SEMA3A: variants seen among roughly 807,000 people sequenced by gnomAD.
SEMA3A encodes the protein semaphorin 3A.
SEMA3A carries 29 observed loss-of-function variants against 97.9 expected under a neutral mutation model. The ratio of observed to expected loss-of-function variants is 0.30; its 90% CI spans 0.22 to 0.40. SEMA3A has a LOEUF of 0.40. Among genes scored for constraint, SEMA3A ranks in the 10% least tolerant of loss-of-function variants. The probability of loss-of-function intolerance (pLI) is 1.00; values close to 1 mark genes in which losing one functional copy is unlikely to be tolerated. For missense variants in SEMA3A, 763 were observed against 951.3 expected (o/e 0.80, Z 2.60); for synonymous variants, 321 against 323.7 (o/e 0.99, Z 0.09).
intron 15 of SEMA3A, among the ~76,000 whole-genome samples, chr7:83,970,688 T>G (rs888047766): frequency 6.6e-6 from 1 of 152,212 alleles, no homozygotes; most frequent in Admixed American, 6.5e-5. Flanking sequence ...GGTAAATGAA[T>G]GCCAATTATT....
chr7:84,079,605 C>G (rs1427107046), intron 4 of SEMA3A, among the ~76,000 whole-genome samples: 2 of 150,402 alleles, frequency 1.3e-5, no homozygotes, highest in African/African-American at 4.9e-5. Context: ...TGAAAAAATG[C>G]TCATCATCAC....
chr7:84,300,507 T>A (rs1800984351), intron 3 of SEMA3A, among the ~76,000 whole-genome samples: 1 of 152,044 alleles, frequency 6.6e-6, no homozygotes, highest in Non-Finnish European at 1.5e-5. Flanking sequence ...AATCAGAATA[T>A]ATTAAATGTT....
chr7:83,965,645 TATATATATATATATATA>T (rs1775308885), intron 15 of SEMA3A, among the ~76,000 whole-genome samples: 2 of 10,038 alleles, frequency 2.0e-4, no homozygotes, highest in African/African-American at 8.4e-4. Flanking sequence ...TATATATATA[TATATATATATATATATA>T]TATATTTTTT....
intron 5 of SEMA3A, among the ~76,000 whole-genome samples, chr7:84,054,736 G>C (rs376091920): frequency 1.4e-5 from 2 of 146,440 alleles, no homozygotes; most frequent in East Asian, 2.0e-4. Context: ...GCTTTGTTCC[G>C]TTGCTGGTGA....
At chr7:84,411,152 G>A (rs1016619587) in intron 1 of SEMA3A, among the ~76,000 whole-genome samples, 1 of 151,970 alleles carries the variant, frequency 6.6e-6, no homozygotes, top group Non-Finnish European at 1.5e-5. Flanking sequence ...CAATGGAGAG[G>A]TAGAGAGATA....
intron 12 of SEMA3A, among the ~76,000 whole-genome samples, chr7:83,995,721 C>A (rs149418939): frequency 6.6e-6 from 1 of 151,868 alleles, no homozygotes; most frequent in Non-Finnish European, 1.5e-5. Flanking sequence ...AAAATTAAAA[C>A]AGCATCTTTT....
intron 4 of SEMA3A, among the ~76,000 whole-genome samples, chr7:84,091,126 AAG>A (rs1222485920): frequency 1.7e-5 from 1 of 59,548 alleles, no homozygotes; most frequent in African/African-American, 5.1e-5. Flanking sequence ...AAGAAAAAGA[AAG>A]AAAGAAAGAA....
chr7:84,372,205 G>A lies in SEMA3A; in HGVS notation c.-245-305C>T, dbSNP rs183041954. 11 of 151,964 alleles carry A rather than the reference G, an allele frequency of 7.2e-5. 1 individual carries two copies. Among genetic ancestry groups the A allele is most frequent in the Admixed American group, 7.2e-4 (11 of 15,242 alleles). 9.4% of individuals were successfully genotyped at this position (151,964 alleles called of 1,614,324 possible). A position where few individuals can be genotyped will look rare whatever the true frequency, so the allele number is the denominator to read the frequency against. On this transcript the variant is annotated intron_variant, in intron 1 of 3. Transcript: ENST00000424555. Reference sequence around the variant, plus strand: ...CTCATGTCTTCTCACCCTCTGTTTAGCTGCCTTATCTTTTTAGACAAAATC... The same window carrying A: ...CTCATGTCTTCTCACCCTCTGTTTAACTGCCTTATCTTTTTAGACAAAATC...
chr7:83,987,608 C>T lies in SEMA3A; in HGVS notation c.1453-2131G>A, dbSNP rs116257974. 6.2e-3 allele frequency among the ~76,000 whole-genome samples: 946 copies of T among 152,218 alleles called. 5 individuals are homozygous for T. The highest frequency in any genetic ancestry group is 0.018 in the African/African-American group (766 of 41,528). ...TGGCTGTTTATTTCACAGCCATATC[C>T]CTAGCACCTGGAATTACGCCTGGTA... On this transcript the variant is annotated intron_variant, in intron 12 of 16. Transcript: ENST00000265362.
At chr7:84,382,401 C>T (rs1351856200) in intron 1 of SEMA3A, among the ~76,000 whole-genome samples, 2 of 151,282 alleles carry the variant, frequency 1.3e-5, no homozygotes, top group African/African-American at 2.4e-5. Context: ...GCCACTGTGC[C>T]AGCCCTCATA....
intron 2 of SEMA3A, among the ~76,000 whole-genome samples, chr7:84,350,306 G>A (rs910312629): frequency 1.4e-4 from 21 of 151,934 alleles, no homozygotes; most frequent in African/African-American, 4.6e-4. Context: ...TACATGATAG[G>A]GCCTGGCTAG....
chr7:83,996,406 G>A (rs950127272), intron 12 of SEMA3A, among the ~76,000 whole-genome samples: 2 of 149,018 alleles, frequency 1.3e-5, no homozygotes, highest in South Asian at 2.1e-4. Flanking sequence ...AGGTTCAAGC[G>A]ATTCTCCTGC....
intron 13 of SEMA3A, 131 bp downstream of exon 13, chr7:83,985,302 AATG>A: frequency 6.3e-6 from 4 of 630,766 alleles, no homozygotes; most frequent in Admixed American, 6.0e-5. Flanking sequence ...TTATTGTAAG[AATG>A]ATATTTGTTT....
chr7:84,057,777 T>TAAATAAAG, intron 5 of SEMA3A, among the ~76,000 whole-genome samples: 1 of 151,320 alleles, frequency 6.6e-6, no homozygotes, highest in East Asian at 1.9e-4. Flanking sequence ...AATAAATAAA[T>TAAATAAAG]AAATAAATAA....
intron 6 of SEMA3A, among the ~76,000 whole-genome samples, chr7:84,021,016 G>A (rs1791309309): frequency 6.6e-6 from 1 of 152,206 alleles, no homozygotes; most frequent in East Asian, 1.9e-4. Context: ...TCAGGACAAA[G>A]GCTAAAAGTA....
intron 2 of SEMA3A, among the ~76,000 whole-genome samples, chr7:84,365,028 T>G (rs911385526): frequency 1.3e-5 from 2 of 151,546 alleles, no homozygotes; most frequent in Non-Finnish European, 3.0e-5. Context: ...ACCATTACCT[T>G]GTGGTTATGG....
At chr7:84,411,252 A>G (rs915280681) in intron 1 of SEMA3A, among the ~76,000 whole-genome samples, 1 of 152,118 alleles carries the variant, frequency 6.6e-6, no homozygotes, top group Non-Finnish European at 1.5e-5. Flanking sequence ...ATATTGCAAA[A>G]TGGCTATGAT....
chr7:84,455,231 A>T (rs1006595114), intron 1 of SEMA3A, among the ~76,000 whole-genome samples: 3 of 151,914 alleles, frequency 2.0e-5, no homozygotes, highest in Non-Finnish European at 4.4e-5. Context: ...AGCTCTTTCT[A>T]AAAAAGGTTA....
At chr7:84,299,101 G>A (rs1053677221) in intron 3 of SEMA3A, among the ~76,000 whole-genome samples, 4 of 151,926 alleles carry the variant, frequency 2.6e-5, no homozygotes, top group African/African-American at 9.7e-5. Context: ...TGAGGTTTTG[G>A]AAGTCAAACT....
Sources: gnomAD v4.1 joint callset for allele counts (sites outside exome capture counted in the v4.1 genomes callset) on GRCh38, gnomAD v4.1.1 for gene constraint, MANE v1.5 for transcripts, NCBI Gene and HGNC (gene_info 2026-07-23, HGNC 2026-07-21) for gene names.